Variants in DRAM2 observed in about 807,000 individuals in gnomAD.
DRAM2 encodes the protein DNA damage regulated autophagy modulator 2.
DRAM2 carries 26 observed loss-of-function variants against 33.5 expected under a neutral mutation model. The ratio of observed to expected loss-of-function variants is 0.78; its 90% CI spans 0.57 to 1.08. The LOEUF (loss-of-function observed/expected upper bound fraction) is 1.08, where lower values mean the gene tolerates loss of function less well. DRAM2 is among the 50% of genes least tolerant of loss of function. The probability of loss-of-function intolerance (pLI) is 0.00; values close to 1 mark genes in which losing one functional copy is unlikely to be tolerated. For synonymous variants in DRAM2, 98 were observed against 109.5 expected, an observed-to-expected ratio of 0.89 and a Z score of 0.66; for missense variants, 311 against 318.1, an observed-to-expected ratio of 0.98 and a Z score of 0.17.
At chr1:111,123,220 A>G (rs2101033228) in intron 6 of DRAM2, among the ~76,000 whole-genome samples, 1 of 152,290 alleles carries the variant, frequency 6.6e-6, no homozygotes, top group South Asian at 2.1e-4. Context: ...TTATCCTTTC[A>G]TAGTATAAAG....
At position 111,119,947 on chromosome 1, in the gene DRAM2, G is replaced by A; in HGVS notation, c.530C>T (p.Ser177Leu). ...AAAATTGCCACTGTGCAAAACTGAT[G>A]AGCAAGTCAGCACTATAAAAACATA... ...GVSALSMLTC[S>L]SVLHSGNFGT... Residue 177 changes from serine to leucine, a missense_variant, in exon 8 of 10, where the codon TCA becomes TTA. Transcript: ENST00000484310. The A allele has an allele frequency of 6.2e-7, 1 of 1,612,518 alleles. No homozygotes were observed. Among genetic ancestry groups the A allele is most frequent in the Non-Finnish European group, 8.5e-7 (1 of 1,178,962 alleles).
chr1:111,119,941 A>G lies in DRAM2; in HGVS notation c.536T>C (p.Val179Ala). Residue 179 changes from valine to alanine, a missense_variant, in exon 8 of 10, where the codon GTT becomes GCT. By Grantham distance (64) the Val-to-Ala change is moderately conservative (BLOSUM62 0). Transcript: ENST00000484310. ...AGTCCCAAAATTGCCACTGTGCAAA[A>G]CTGATGAGCAAGTCAGCACTATAAA... ...SALSMLTCSSVLHSGNFGTDL... is the reference protein window; with the variant it reads ...SALSMLTCSSALHSGNFGTDL... 6.2e-7 allele frequency: 1 copy of G among 1,612,820 alleles called. No individual in the cohort carries two copies. Among genetic ancestry groups the G allele is most frequent in the Non-Finnish European group, 8.5e-7 (1 of 1,179,084 alleles).
At chr1:111,136,578 C>T (rs913973106) in intron 3 of DRAM2, among the ~76,000 whole-genome samples, 2 of 149,574 alleles carry the variant, frequency 1.3e-5, no homozygotes, top group African/African-American at 4.9e-5. Flanking sequence ...GAGCAAGACT[C>T]CATCTCAAAA....
Position 111,131,577 on chromosome 1 carries a change from G to C in DRAM2, c.-14-9C>G. 6 of 1,612,190 alleles carry C rather than the reference G, an allele frequency of 3.7e-6. No individual in the cohort carries two copies. The highest frequency in any genetic ancestry group is 1.3e-5 in the African/African-American group (1 of 74,732). On this transcript the variant is annotated splice_polypyrimidine_tract_variant and intron_variant, in intron 3 of 9. Coordinates refer to ENST00000484310, the MANE Select transcript of DRAM2 (RefSeq NM_001349884.2). ...CATTTCTAACAGGTTTTCTGAAATA[G>C]AGAAAACATATTAGAAAAGATAATT...
At chr1:111,134,944 A>C (rs900970576) in intron 3 of DRAM2, among the ~76,000 whole-genome samples, 1 of 152,194 alleles carries the variant, frequency 6.6e-6, no homozygotes, top group Non-Finnish European at 1.5e-5. Flanking sequence ...TAGATCATGT[A>C]GATATGTAAA....
intron 3 of DRAM2, among the ~76,000 whole-genome samples, chr1:111,135,311 T>C (rs1652947001): frequency 6.6e-6 from 1 of 152,234 alleles, no homozygotes; most frequent in Non-Finnish European, 1.5e-5. Context: ...TACAGGGATA[T>C]GAATTCTATC....
chr1:111,132,459 G>T (rs1402473220), intron 3 of DRAM2, among the ~76,000 whole-genome samples: 1 of 152,170 alleles, frequency 6.6e-6, no homozygotes, highest in Non-Finnish European at 1.5e-5. Context: ...ACCCCAGCTG[G>T]TGATTGGTGT....
chr1:111,127,534 T>G (rs1368706988), intron 4 of DRAM2, among the ~76,000 whole-genome samples: 1 of 151,912 alleles, frequency 6.6e-6, no homozygotes, highest in Non-Finnish European at 1.5e-5. Context: ...AATTATAAAA[T>G]AATAAATTTA....
chr1:111,120,488 T>A (rs1649823560), intron 7 of DRAM2, 28 bp downstream of exon 7: 4 of 1,467,636 alleles, frequency 2.7e-6, no homozygotes, highest in Non-Finnish European at 3.6e-6. Context: ...CCTTTCCAAG[T>A]GTAGCCACAT....
At chr1:111,119,620 G>C (rs765576179) in intron 8 of DRAM2, 3 of 446,754 alleles carry the variant, frequency 6.7e-6, no homozygotes, top group Non-Finnish European at 1.2e-5. Flanking sequence ...CCCACATTTA[G>C]GGGAGTCAAT....
At chr1:111,119,771 C>T in intron 8 of DRAM2, 106 bp downstream of exon 8, 2 of 926,796 alleles carry the variant, frequency 2.2e-6, no homozygotes, top group Non-Finnish European at 3.3e-6. Flanking sequence ...ACTGATTATT[C>T]TACCAGAAGA....
At chr1:111,126,158 C>T (rs1650964985) in intron 5 of DRAM2, 69 bp downstream of exon 5, 2 of 934,986 alleles carry the variant, frequency 2.1e-6, no homozygotes, top group Non-Finnish European at 3.5e-6. Context: ...AGTAACACTC[C>T]AGTGTTGAAA....
At chr1:111,127,570 ACT>A (rs1171151349) in intron 4 of DRAM2, among the ~76,000 whole-genome samples, 1 of 152,056 alleles carries the variant, frequency 6.6e-6, no homozygotes. Flanking sequence ...AGATTTTGGT[ACT>A]CTTTGACCAT....
At chr1:111,126,339 A>G in intron 4 of DRAM2, 45 bp from the exon 5 acceptor site, 1 of 1,118,488 alleles carries the variant, frequency 8.9e-7, no homozygotes, top group African/African-American at 1.6e-5. Context: ...ATACTAGATA[A>G]ACACATATAT....
intron 3 of DRAM2, among the ~76,000 whole-genome samples, chr1:111,134,820 G>A (rs1571068287): frequency 6.6e-6 from 1 of 152,042 alleles, no homozygotes; most frequent in South Asian, 2.1e-4. Context: ...TATTTTAAAA[G>A]GCTTAACTAA....
intron 4 of DRAM2, among the ~76,000 whole-genome samples, chr1:111,129,706 C>A (rs1054700604): frequency 6.6e-6 from 1 of 151,982 alleles, no homozygotes; most frequent in Non-Finnish European, 1.5e-5. Context: ...TGTAATGAAA[C>A]CTTCATTATA....
At chr1:111,122,017 GAT>G (rs1005752192) in intron 6 of DRAM2, among the ~76,000 whole-genome samples, 1 of 152,066 alleles carries the variant, frequency 6.6e-6, no homozygotes, top group Non-Finnish European at 1.5e-5. Context: ...AAAGGCTAGT[GAT>G]ATATATAATG....
chr1:111,132,961 T>C (rs1652402801), intron 3 of DRAM2, among the ~76,000 whole-genome samples: 1 of 152,078 alleles, frequency 6.6e-6, no homozygotes, highest in South Asian at 2.1e-4. Flanking sequence ...ATTATAGGTA[T>C]GAGCCACCCA....
chr1:111,123,601 T>G (rs566135071), intron 6 of DRAM2, among the ~76,000 whole-genome samples: 1 of 152,148 alleles, frequency 6.6e-6, no homozygotes. Context: ...AGAATCCTAT[T>G]AGGTCAGTGC....
Sources: allele counts gnomAD v4.1 joint callset (sites outside exome capture counted in the v4.1 genomes callset), GRCh38; gene constraint gnomAD v4.1.1; transcripts MANE v1.5; gene names NCBI Gene and HGNC (gene_info 2026-07-23, HGNC 2026-07-21).